Variants in MAP6 observed in about 807,000 individuals in gnomAD.
MAP6 encodes the protein microtubule associated protein 6, also known as microtubule-associated protein 6.
In MAP6, 26 loss-of-function variants were observed where a neutral mutation model predicts 42.4. That is an observed-to-expected ratio of 0.61 (90% CI 0.45 to 0.85). The LOEUF is 0.85. Ranked by LOEUF, MAP6 falls within the 40% of genes least tolerant of loss-of-function variation. The pLI is 0.00. For synonymous variants in MAP6, 418 were observed against 443.8 expected (o/e 0.94, Z 0.73); for missense variants, 966 against 1,099.0 (o/e 0.88, Z 1.71).
intron 1 of MAP6, among the ~76,000 whole-genome samples, chr11:75,639,340 C>T (rs1026790720): frequency 4.6e-5 from 7 of 152,230 alleles, no homozygotes; most frequent in African/African-American, 1.7e-4. Flanking sequence ...AACAATCCCA[C>T]ATCCCTTTCT....
intron 3 of MAP6, chr11:75,603,579 T>C (rs976623920): frequency 2.4e-6 from 2 of 830,666 alleles, no homozygotes; most frequent in Non-Finnish European, 1.4e-6. Context: ...AGGAAGTTGG[T>C]CCCTGGGGCA....
chr11:75,613,318 C>G (rs1435094307), intron 1 of MAP6, among the ~76,000 whole-genome samples: 1 of 152,142 alleles, frequency 6.6e-6, no homozygotes, highest in Non-Finnish European at 1.5e-5. Context: ...CCAAAGCTCA[C>G]ACCTGGGGAT....
chr11:75,624,837 A>T (rs903717903), intron 1 of MAP6, among the ~76,000 whole-genome samples: 2 of 152,112 alleles, frequency 1.3e-5, no homozygotes, highest in African/African-American at 4.8e-5. Flanking sequence ...TACTGAACAC[A>T]CTTTGCACAC....
At position 75,667,812 on chromosome 11, in the gene MAP6, C is replaced by T. The variant is rs545418011; in HGVS notation, c.558G>A (p.Ala186=). ...KPVQISAASQ[A]SAPILGAPKR... ...TGGGCGCCCCGAGAATGGGCGCCGACGCCTGGGAGGCCGCAGAGATCTGCA... is the reference window on the plus strand; with the variant it reads ...TGGGCGCCCCGAGAATGGGCGCCGATGCCTGGGAGGCCGCAGAGATCTGCA... The change falls in exon 1 of 4, where the codon GCG becomes GCA. Residue 186 remains alanine, a synonymous_variant. Coordinates refer to ENST00000304771, the MANE Select transcript of MAP6 (RefSeq NM_033063.2). This position sits in a 1 kb window ranked among gnomAD's most constrained non-coding sequence, Gnocchi z 5.6. 3.9e-5 allele frequency: 52 copies of T among 1,317,262 alleles called. No individual in the cohort carries two copies. In the South Asian group the frequency reaches 9.2e-4, roughly 23 times the overall value. 81.6% of individuals were successfully genotyped at this position (1,317,262 alleles called of 1,614,324 possible).
chr11:75,640,788 C>G (rs1943454135), intron 1 of MAP6, among the ~76,000 whole-genome samples: 1 of 152,150 alleles, frequency 6.6e-6, no homozygotes, highest in South Asian at 2.1e-4. Flanking sequence ...AATGAGATAC[C>G]ATCTCACACC....
intron 1 of MAP6, among the ~76,000 whole-genome samples, chr11:75,641,346 A>AG (rs1379283112): frequency 2.5e-5 from 2 of 78,854 alleles, no homozygotes; most frequent in East Asian, 8.7e-4. Context: ...GGGTGGGGGG[A>AG]GGGGGAGGGA....
chr11:75,603,127 A>G, intron 3 of MAP6: 1 of 985,550 alleles, frequency 1.0e-6, no homozygotes, highest in Non-Finnish European at 1.2e-6. Flanking sequence ...AGCTATGTGG[A>G]CCGAATGGGA....
chr11:75,643,089 A>T lies in MAP6; in HGVS notation c.905+24376T>A, dbSNP rs547878661. ...AAAACTGATGGTAGACTTTGCAGGA[A>T]ATAGAAAGACATAATGTAGTAATAG... On this transcript the variant is annotated intron_variant, in intron 1 of 3. Coordinates refer to ENST00000304771, the MANE Select transcript of MAP6 (RefSeq NM_033063.2). Among the ~76,000 whole-genome samples, 9 of 152,266 alleles carry T rather than the reference A, an allele frequency of 5.9e-5. No homozygotes were observed. In the South Asian group the frequency reaches 1.9e-3, roughly 32 times the overall value.
chr11:75,630,650 A>C (rs1943270915), intron 1 of MAP6, among the ~76,000 whole-genome samples: 1 of 152,230 alleles, frequency 6.6e-6, no homozygotes, highest in South Asian at 2.1e-4. Context: ...AGATTCCTTC[A>C]AATTTCTCTG....
In MAP6 at chr11:75,668,072, CG is replaced by C; in HGVS notation, c.297del (p.Gly100AlafsTer21). Reference protein sequence around the residue: ...PTGEREPAAGPGRSGPGPGLG... With the variant: ...PTGEREPAAGXGRSGPGPGLG... ...AGGCCCGGGCCCGGCCCGCTCCGGCCGGGGCCCGCCGCCGGCTCGCGCTCGC... is the reference window on the plus strand; with the variant it reads ...AGGCCCGGGCCCGGCCCGCTCCGGCCGGGCCCGCCGCCGGCTCGCGCTCGC... On this transcript the variant is annotated frameshift_variant, in exon 1 of 4. Coordinates refer to ENST00000304771, the MANE Select transcript of MAP6 (RefSeq NM_033063.2). LOFTEE classifies it high-confidence loss of function. The C allele has an allele frequency of 8.2e-7, 1 of 1,222,928 alleles. No homozygotes were observed. The highest frequency in any genetic ancestry group is 1.0e-6 in the Non-Finnish European group (1 of 985,132). 75.8% of individuals were successfully genotyped at this position (1,222,928 alleles called of 1,614,324 possible). A position where few individuals can be genotyped will look rare whatever the true frequency, so the allele number is the denominator to read the frequency against.
intron 1 of MAP6, among the ~76,000 whole-genome samples, chr11:75,613,629 TATTTGAGCCTTG>T (rs1942944723): frequency 6.6e-6 from 1 of 152,206 alleles, no homozygotes; most frequent in African/African-American, 2.4e-5. Flanking sequence ...TGGACCCTGT[TATTTGAGCCTTG>T]ATGCATGACC....
Position 75,586,991 on chromosome 11 carries a change from C to T in MAP6, c.*68G>A. ...TGTTTCATGCAGATTAAATATGTGT[C>T]TTCACTGCCCCTGGGAGGGGAGCAC... is the stretch of plus-strand genomic sequence containing the variant. On this transcript the variant is annotated 3_prime_UTR_variant, in exon 4 of 4. Coordinates refer to ENST00000304771, the MANE Select transcript of MAP6 (RefSeq NM_033063.2). The T allele has an allele frequency of 2.1e-6, 3 of 1,453,598 alleles. No homozygotes were observed. The highest frequency in any genetic ancestry group is 4.6e-5 in the East Asian group (2 of 43,682). The allele number at this position is 1,453,598 out of a possible 1,614,324, so 90.0% of individuals were successfully genotyped here. A position where few individuals can be genotyped will look rare whatever the true frequency, so the allele number is the denominator to read the frequency against.
chr11:75,657,347 G>C (rs757284863), intron 1 of MAP6, among the ~76,000 whole-genome samples: 1 of 152,120 alleles, frequency 6.6e-6, no homozygotes. Flanking sequence ...TCCTGACCTC[G>C]TGATCCGCCC....
chr11:75,603,074 A>G, intron 3 of MAP6: 1 of 985,700 alleles, frequency 1.0e-6, no homozygotes, highest in Non-Finnish European at 1.2e-6. Flanking sequence ...AGGCCACAAA[A>G]TCGTAATTAG....
chr11:75,627,246 A>G (rs1175820030), intron 1 of MAP6, among the ~76,000 whole-genome samples: 3 of 152,218 alleles, frequency 2.0e-5, no homozygotes, highest in African/African-American at 7.2e-5. Flanking sequence ...ACTCTGTGCC[A>G]TTTGGAGAGA....
At position 75,588,088 on chromosome 11, in the gene MAP6, C is replaced by G. The variant is rs1474364710; in HGVS notation, c.1413G>C (p.Leu471=). 4 of 1,613,754 alleles carry G rather than the reference C, an allele frequency of 2.5e-6. No homozygotes were observed. The highest frequency in any genetic ancestry group is 3.4e-6 in the Non-Finnish European group (4 of 1,179,982). ...CTTGCACCATAGGACCTTGACCTTT[C>G]AGAAGGCCTGGGACCACAGAACCTT... ...KDQGSVVPGL[L]KGQGPMVQEP... is the part of the protein sequence containing the mutation. Residue 471 remains leucine, a synonymous_variant, in exon 4 of 4, where the codon CTG becomes CTC. Transcript: ENST00000304771.
intron 1 of MAP6, among the ~76,000 whole-genome samples, chr11:75,650,749 T>C (rs1830356897): frequency 6.6e-6 from 1 of 152,210 alleles, no homozygotes; most frequent in Non-Finnish European, 1.5e-5. Context: ...GAAATAACTT[T>C]ACCAAGGTCA....
Position 75,667,868 on chromosome 11 carries a change from G to A in MAP6, c.502C>T (p.Arg168Cys). The A allele has an allele frequency of 6.9e-7, 1 of 1,445,094 alleles. No individual in the cohort carries two copies. The highest frequency in any genetic ancestry group is 9.1e-7 in the Non-Finnish European group (1 of 1,096,264). 89.5% of individuals were successfully genotyped at this position (1,445,094 alleles called of 1,614,324 possible). ...KDFRAWPLPR[R>C]GDHPWIPKPV... ...TTGGGGATCCACGGGTGGTCCCCGC[G>A]GCGCGGCAGCGGCCAGGCGCGGAAG... is the stretch of plus-strand genomic sequence containing the variant. Residue 168 changes from arginine (R) to cysteine (C), a missense_variant, in exon 1 of 4, where the codon CGC becomes TGC. Physicochemically the swap from Arg to Cys is radical, Grantham distance 180. Around this residue, in one of 2 missense-constraint regions of MAP6, gnomAD observed 943 missense variants for 1,049.9 expected, o/e 0.90. Coordinates refer to ENST00000304771, the MANE Select transcript of MAP6 (RefSeq NM_033063.2). This position sits in a 1 kb window ranked among gnomAD's most constrained non-coding sequence, Gnocchi z 5.6.
At chr11:75,591,066 A>G (rs1210007100) in intron 3 of MAP6, among the ~76,000 whole-genome samples, 2 of 152,232 alleles carry the variant, frequency 1.3e-5, no homozygotes, top group Non-Finnish European at 2.9e-5. Flanking sequence ...AGAATGTCTA[A>G]CAGATTAGCT....
Sources: allele counts gnomAD v4.1 joint callset (sites outside exome capture counted in the v4.1 genomes callset), GRCh38; gene constraint gnomAD v4.1.1; regional missense constraint gnomAD v4.1.1; non-coding constraint Gnocchi (gnomAD v3.1); transcripts MANE v1.5; gene names NCBI Gene and HGNC (gene_info 2026-07-23, HGNC 2026-07-21).